The following ZMAT4 variants were observed in gnomAD, a reference collection of about 807,000 sequenced individuals.
The protein encoded by ZMAT4 is zinc finger matrin-type 4, also known as zinc finger matrin-type protein 4.
A neutral mutation model predicts 28.7 loss-of-function variants in ZMAT4; 17 were observed. That is an observed-to-expected ratio of 0.59 (90% CI 0.41 to 0.89). The LOEUF is 0.89. ZMAT4 is among the 40% of genes least tolerant of loss of function. The probability of loss-of-function intolerance (pLI) is 0.00; values close to 1 mark genes in which losing one functional copy is unlikely to be tolerated. For missense variants in ZMAT4, 240 were observed against 283.8 expected (o/e 0.85, Z 1.11); for synonymous variants, 117 against 109.2 (o/e 1.07, Z -0.44).
chr8:40,624,786 C>A (rs139614652), intron 5 of ZMAT4, among the ~76,000 whole-genome samples: 2 of 152,248 alleles, frequency 1.3e-5, no homozygotes, highest in East Asian at 3.9e-4. Context: ...GCCTAGTTTT[C>A]AGTCAGTCAG....
chr8:40,548,767 G>A (rs921570314), intron 6 of ZMAT4, among the ~76,000 whole-genome samples: 10 of 152,130 alleles, frequency 6.6e-5, no homozygotes, highest in African/African-American at 2.4e-4. Flanking sequence ...GACAAAGACA[G>A]GAATGAGGCT....
At chr8:40,572,391 G>T (rs1278836598) in intron 6 of ZMAT4, among the ~76,000 whole-genome samples, 1 of 152,122 alleles carries the variant, frequency 6.6e-6, no homozygotes, top group Non-Finnish European at 1.5e-5. Flanking sequence ...CTCAAAGGAA[G>T]AAGCAGATTT....
intron 1 of ZMAT4, among the ~76,000 whole-genome samples, chr8:40,845,635 C>T (rs1816859520): frequency 6.6e-6 from 1 of 151,336 alleles, no homozygotes; most frequent in South Asian, 2.1e-4. Flanking sequence ...ATAGTCCTGA[C>T]ACAGTGAGAA....
intron 3 of ZMAT4, among the ~76,000 whole-genome samples, chr8:40,737,706 A>G (rs1374770171): frequency 6.6e-6 from 1 of 152,158 alleles, no homozygotes; most frequent in African/African-American, 2.4e-5. Context: ...TGGAGTTGAG[A>G]GGAAGTCTGA....
At chr8:40,806,274 A>C (rs2150591854) in intron 2 of ZMAT4, among the ~76,000 whole-genome samples, 1 of 152,338 alleles carries the variant, frequency 6.6e-6, no homozygotes. Flanking sequence ...CCTCTATGGA[A>C]GCAAACACCT....
intron 6 of ZMAT4, among the ~76,000 whole-genome samples, chr8:40,549,348 G>A (rs1270224310): frequency 6.6e-6 from 1 of 152,140 alleles, no homozygotes; most frequent in African/African-American, 2.4e-5. Context: ...TCCACTAGGG[G>A]TGCTAAAAAC....
intron 2 of ZMAT4, among the ~76,000 whole-genome samples, chr8:40,802,933 T>C (rs1209455523): frequency 2.6e-5 from 4 of 152,148 alleles, no homozygotes; most frequent in African/African-American, 9.7e-5. Flanking sequence ...ATAGAGTCAA[T>C]TGATCTTTGA....
At chr8:40,583,178 C>A (rs74730418) in intron 5 of ZMAT4, among the ~76,000 whole-genome samples, 9,823 of 152,238 alleles carry the variant, frequency 0.065, 406 homozygotes, top group East Asian at 0.16. Context: ...GGAGTACCTT[C>A]TTGTTGCTTG....
rs114357650 is a variant in ZMAT4 at position 40,759,332 on chromosome 8, C to T, written c.192+8309G>A. On this transcript the variant is annotated intron_variant, in intron 3 of 6. Transcript: ENST00000297737. ...AAAGCCAGTCTAGAATCTATGGTTG[C>T]TAAATTCCTATATTGAAGACCTAAT... 4.7e-3 allele frequency among the ~76,000 whole-genome samples: 708 copies of T among 149,312 alleles called. 3 individuals carry two copies. The highest frequency in any genetic ancestry group is 0.017 in the African/African-American group (675 of 40,736).
At chr8:40,655,112 T>C (rs960402457) in intron 5 of ZMAT4, among the ~76,000 whole-genome samples, 2 of 150,038 alleles carry the variant, frequency 1.3e-5, no homozygotes, top group Non-Finnish European at 3.0e-5. Flanking sequence ...CTAGGAAATA[T>C]GTTCTGCAAG....
chr8:40,659,296 A>G (rs973225857), intron 5 of ZMAT4, among the ~76,000 whole-genome samples: 1 of 152,180 alleles, frequency 6.6e-6, no homozygotes, highest in Non-Finnish European at 1.5e-5. Flanking sequence ...AATTTAGTAG[A>G]CATTGCCCCT....
intron 5 of ZMAT4, among the ~76,000 whole-genome samples, chr8:40,586,176 G>A (rs1268488908): frequency 1.3e-5 from 2 of 152,168 alleles, no homozygotes; most frequent in Admixed American, 6.5e-5. Context: ...GGTGGGAACT[G>A]TGCTTTATTA....
At chr8:40,749,072 C>T (rs774114109) in intron 3 of ZMAT4, among the ~76,000 whole-genome samples, 1 of 152,176 alleles carries the variant, frequency 6.6e-6, no homozygotes, top group Non-Finnish European at 1.5e-5. Context: ...CCATGTAAGA[C>T]GTGCCCTTCA....
intron 2 of ZMAT4, among the ~76,000 whole-genome samples, chr8:40,789,676 A>G (rs1236624802): frequency 1.3e-5 from 2 of 152,190 alleles, no homozygotes; most frequent in Admixed American, 6.5e-5. Context: ...CATGTACCCC[A>G]TAAATATACA....
At chr8:40,629,007 C>T (rs200324589) in intron 5 of ZMAT4, among the ~76,000 whole-genome samples, 2 of 145,460 alleles carry the variant, frequency 1.4e-5, no homozygotes, top group Non-Finnish European at 3.0e-5. Flanking sequence ...GCTTTCTTTT[C>T]TTTTTTTTTT....
Position 40,825,564 on chromosome 8 carries a change from G to A in ZMAT4, c.102+11C>T, listed in dbSNP as rs763577165. The A allele has an allele frequency of 5.8e-6, 9 of 1,549,284 alleles. No homozygotes were observed. Among genetic ancestry groups the A allele is most frequent in the East Asian group, 2.4e-5 (1 of 40,988 alleles). On this transcript the variant is annotated intron_variant, in intron 2 of 6. Transcript: ENST00000297737. ...TACATTTGCAAACAGAGTGGGAAAC[G>A]CTGTCCTTACCTCGTAGTGGGCCAC...
intron 6 of ZMAT4, among the ~76,000 whole-genome samples, chr8:40,557,068 C>T (rs970624315): frequency 7.2e-5 from 11 of 152,128 alleles, no homozygotes; most frequent in Non-Finnish European, 1.5e-4. Flanking sequence ...AGCTCCCATA[C>T]ATGAGTGAGA....
Position 40,558,556 on chromosome 8 carries a change from G to C in ZMAT4, c.674+22609C>G, listed in dbSNP as rs6995357. ...AACTGCCATTATCTTCAAGATTTCTGCCTTGAGAAACTGGATAAAAATAGT... is the reference window on the plus strand; with the variant it reads ...AACTGCCATTATCTTCAAGATTTCTCCCTTGAGAAACTGGATAAAAATAGT... On this transcript the variant is annotated intron_variant, in intron 6 of 6. Coordinates refer to ENST00000297737, the MANE Select transcript of ZMAT4 (RefSeq NM_024645.3). Among the ~76,000 whole-genome samples, 1,005 of 152,166 alleles carry C rather than the reference G, an allele frequency of 6.6e-3. 8 individuals are homozygous for C. The highest frequency in any genetic ancestry group is 0.023 in the African/African-American group (949 of 41,540).
At chr8:40,626,101 ACT>A (rs779730743) in intron 5 of ZMAT4, among the ~76,000 whole-genome samples, 120 of 107,816 alleles carry the variant, frequency 1.1e-3, no homozygotes, top group South Asian at 7.3e-3. Flanking sequence ...CAAGAGCAAA[ACT>A]CTGCCTCAGA....
Sources: allele counts gnomAD v4.1 joint callset (sites outside exome capture counted in the v4.1 genomes callset), GRCh38; gene constraint gnomAD v4.1.1; transcripts MANE v1.5; gene names NCBI Gene and HGNC (gene_info 2026-07-23, HGNC 2026-07-21).